The following UGT2A1 variants were observed in gnomAD, a reference collection of about 807,000 sequenced individuals.
UGT2A1 encodes the protein UDP glucuronosyltransferase family 2 member A1 complex locus, also known as UDP-glucuronosyltransferase 2A1.
A neutral mutation model predicts 45.4 loss-of-function variants in UGT2A1; 61 were observed. The observed-to-expected ratio is 1.34, with a 90% CI of 1.09 to 1.66. The LOEUF is 1.66. Ranked by LOEUF, UGT2A1 falls within the 40% of genes most tolerant of loss-of-function variation. The probability of loss-of-function intolerance (pLI) is 0.00; values close to 1 mark genes in which losing one functional copy is unlikely to be tolerated. For synonymous variants in UGT2A1, 229 were observed against 196.2 expected, an observed-to-expected ratio of 1.17 and a Z score of -1.40; for missense variants, 649 against 574.3, an observed-to-expected ratio of 1.13 and a Z score of -1.33.
At chr4:69,594,397 G>A in intron 6 of UGT2A1, 80 bp downstream of exon 6, 1 of 1,527,014 alleles carries the variant, frequency 6.5e-7, no homozygotes, top group Non-Finnish European at 8.8e-7. Flanking sequence ...AATTACAAAA[G>A]TATAAAAGAA....
intron 4 of UGT2A1, among the ~76,000 whole-genome samples, chr4:69,597,121 C>T (rs537777281): frequency 2.0e-5 from 3 of 152,226 alleles, no homozygotes; most frequent in South Asian, 2.1e-4. Context: ...ATAAATTTAT[C>T]GGTTCCTGTT....
chr4:69,611,067 T>C (rs949559512), intron 3 of UGT2A1, among the ~76,000 whole-genome samples: 3 of 152,066 alleles, frequency 2.0e-5, no homozygotes, highest in Non-Finnish European at 4.4e-5. Context: ...TTTAGCAGAA[T>C]AGGCAAATAA....
rs544766802 is a variant in UGT2A1, at chr4:69,621,849, C to G, written c.847+13842G>C. ...AAAAGGAAAGAGAACATGTTTTTTG[C>G]AGGAACATAGATGGAGCTGGGGGGA... On this transcript the variant is annotated intron_variant, in intron 3 of 6. Coordinates refer to ENST00000286604, the MANE Select transcript of UGT2A1 (RefSeq NM_001252275.3). 5.9e-5 allele frequency among the ~76,000 whole-genome samples: 9 copies of G among 151,766 alleles called. No homozygotes were observed. In the South Asian group the frequency reaches 1.9e-3, roughly 32 times the overall value.
chr4:69,597,277 T>C (rs890726091), intron 4 of UGT2A1, among the ~76,000 whole-genome samples: 2 of 152,194 alleles, frequency 1.3e-5, no homozygotes, highest in Non-Finnish European at 2.9e-5. Flanking sequence ...ATGATGCGTA[T>C]GAGACAGTGC....
intron 3 of UGT2A1, among the ~76,000 whole-genome samples, chr4:69,628,489 A>G (rs1164576830): frequency 6.6e-6 from 1 of 151,722 alleles, no homozygotes; most frequent in Non-Finnish European, 1.5e-5. Flanking sequence ...TCAAGAATAT[A>G]CGATGAACAA....
chr4:69,633,221 C>T lies in UGT2A1; in HGVS notation c.847+2470G>A, dbSNP rs145375022. Among the ~76,000 whole-genome samples the T allele has an allele frequency of 5.3e-3, 800 of 152,234 alleles. 8 individuals are homozygous for T. The highest frequency in any genetic ancestry group is 0.018 in the African/African-American group (733 of 41,534). ...TTGATGAAAGAAATCATACTGTACACTTTATGCACTTTTTATCACATAAAA... is the reference window on the plus strand; with the variant it reads ...TTGATGAAAGAAATCATACTGTACATTTTATGCACTTTTTATCACATAAAA... On this transcript the variant is annotated intron_variant, in intron 3 of 6. Coordinates refer to ENST00000286604, the MANE Select transcript of UGT2A1 (RefSeq NM_001252275.3).
At chr4:69,632,845 G>A (rs1577993686) in intron 3 of UGT2A1, among the ~76,000 whole-genome samples, 1 of 149,124 alleles carries the variant, frequency 6.7e-6, no homozygotes, top group East Asian at 2.0e-4. Flanking sequence ...CCGAGATTGC[G>A]CCATTGCAAT....
intron 1 of UGT2A1, among the ~76,000 whole-genome samples, chr4:69,650,653 A>C (rs1234441682): frequency 6.6e-6 from 1 of 152,162 alleles, no homozygotes; most frequent in African/African-American, 2.4e-5. Flanking sequence ...AAAACTATAT[A>C]TTTAAATAGA....
rs183309709 is a variant in UGT2A1, at chr4:69,599,523, T to C, written c.848-129A>G. 4.9e-5 allele frequency: 65 copies of C among 1,317,126 alleles called. No homozygotes were observed. In the East Asian group the frequency reaches 1.4e-3, roughly 28 times the overall value. The allele number at this position is 1,317,126 out of a possible 1,614,324, so 81.6% of individuals were successfully genotyped here. The stretch of plus-strand genomic sequence containing the variant: ...TGAATTAGGTCTTCTAGAATACTTA[T>C]CATGTTTATATATTAAGAAGAAGGA... On this transcript the variant is annotated intron_variant, in intron 3 of 6. Transcript: ENST00000286604.
chr4:69,637,619 T>C (rs971985918), intron 2 of UGT2A1, among the ~76,000 whole-genome samples: 1 of 152,168 alleles, frequency 6.6e-6, no homozygotes, highest in Non-Finnish European at 1.5e-5. Flanking sequence ...CCTGCTCTAT[T>C]TAAATATGCA....
chr4:69,626,643 A>C (rs1721074929), intron 3 of UGT2A1, among the ~76,000 whole-genome samples: 1 of 148,968 alleles, frequency 6.7e-6, no homozygotes. Context: ...TGAAAGCAGA[A>C]GATAAAAAAT....
At chr4:69,616,379 T>C (rs7676249) in intron 3 of UGT2A1, among the ~76,000 whole-genome samples, 54,308 of 151,712 alleles carry the variant, frequency 0.36, 10,246 homozygotes, top group African/African-American at 0.47. Context: ...AAGAGTGGAA[T>C]TGGAATTTTC....
At position 69,589,577 on chromosome 4, in the gene UGT2A1, A is replaced by G. The variant is rs764218838; in HGVS notation, c.1379T>C (p.Phe460Ser). 2.5e-6 allele frequency: 4 copies of G among 1,613,948 alleles called. No individual in the cohort carries two copies. Among genetic ancestry groups the G allele is most frequent in the Middle Eastern group, 1.6e-4 (1 of 6,076 alleles). ...GTGGCGCATGACAAACTCGATCCAG[A>G]AGACTGCTCGATCCAGGGGCTTTAC... ...QPVKPLDRAV[F>S]WIEFVMRHKG... The change falls in exon 7 of 7, where the codon TTC (phenylalanine) becomes TCC (serine). Residue 460 changes from phenylalanine (F) to serine (S), a missense_variant. Transcript: ENST00000286604.
intron 3 of UGT2A1, among the ~76,000 whole-genome samples, chr4:69,624,041 A>G (rs1487659009): frequency 6.6e-6 from 1 of 151,430 alleles, no homozygotes; most frequent in Non-Finnish European, 1.5e-5. Context: ...TTCCTCATTT[A>G]TTTTCTGTGT....
In UGT2A1 at chr4:69,646,924, A is replaced by G; in HGVS notation, c.715+6T>C. The G allele has an allele frequency of 6.5e-7, 1 of 1,534,712 alleles. No individual in the cohort carries two copies. The highest frequency in any genetic ancestry group is 1.3e-5 in the South Asian group (1 of 77,450). On this transcript the variant is annotated splice_donor_region_variant and intron_variant, in intron 2 of 6. Transcript: ENST00000286604. ...TCAAGTAATAAAAACAAAATTTGTT[A>G]CATACCTAAAGCTTTACTATAGTAT... is the stretch of plus-strand genomic sequence containing the variant.
chr4:69,599,073 G>C (rs1375888237), intron 4 of UGT2A1, among the ~76,000 whole-genome samples, 173 bp downstream of exon 4: 4 of 152,118 alleles, frequency 2.6e-5, no homozygotes, highest in African/African-American at 4.8e-5. Context: ...TCAATGTAAA[G>C]TTCAAAACAC....
intron 4 of UGT2A1, among the ~76,000 whole-genome samples, chr4:69,595,918 A>C (rs895001195): frequency 1.3e-5 from 2 of 152,176 alleles, no homozygotes; most frequent in Admixed American, 6.5e-5. Flanking sequence ...GGAGCTAACA[A>C]ACTTCAAAAC....
At chr4:69,608,735 G>T (rs1412995701) in intron 3 of UGT2A1, among the ~76,000 whole-genome samples, 2 of 151,960 alleles carry the variant, frequency 1.3e-5, no homozygotes, top group Admixed American at 1.3e-4. Flanking sequence ...CACTCTTGTT[G>T]CCCAGGCTGG....
intron 3 of UGT2A1, among the ~76,000 whole-genome samples, chr4:69,629,033 G>T (rs1721243479): frequency 6.6e-6 from 1 of 151,784 alleles, no homozygotes; most frequent in South Asian, 2.1e-4. Context: ...CTCTTCTCCT[G>T]AACTATGTTA....
Sources: allele counts gnomAD v4.1 joint callset (sites outside exome capture counted in the v4.1 genomes callset), GRCh38; gene constraint gnomAD v4.1.1; transcripts MANE v1.5; gene names NCBI Gene and HGNC (gene_info 2026-07-23, HGNC 2026-07-21).